Variants in PIWIL2 observed in about 807,000 individuals in gnomAD.
The protein encoded by PIWIL2 is piwi like RNA-mediated gene silencing 2.
Under a neutral mutation model 116.5 loss-of-function variants are expected in PIWIL2, and 81 were observed. The ratio of observed to expected loss-of-function variants is 0.70; its 90% CI spans 0.58 to 0.84. The LOEUF (loss-of-function observed/expected upper bound fraction) is 0.84. Ranked by LOEUF, PIWIL2 falls within the 40% of genes least tolerant of loss-of-function variation. The pLI, the probability that PIWIL2 is intolerant of heterozygous loss-of-function variation, is 0.00. For missense variants in PIWIL2, 1,272 were observed against 1,212.3 expected, an observed-to-expected ratio of 1.05 and a Z score of -0.73; for synonymous variants, 489 against 429.5, an observed-to-expected ratio of 1.14 and a Z score of -1.71.
At chr8:22,275,497 C>T (rs1327274198) in intron 1 of PIWIL2, 99 bp downstream of exon 1, 10 of 152,332 alleles carry the variant, frequency 6.6e-5, no homozygotes, top group Admixed American at 5.9e-4. Flanking sequence ...GAGCCGCCCT[C>T]CCGGGCCTCT....
At chr8:22,295,141 A>G (rs1830867643) in intron 10 of PIWIL2, among the ~76,000 whole-genome samples, 1 of 151,772 alleles carries the variant, frequency 6.6e-6, no homozygotes, top group Non-Finnish European at 1.5e-5. Flanking sequence ...TGTTAAAAAA[A>G]TTCATTCCTT....
chr8:22,351,343 C>T (rs1303531926), intron 20 of PIWIL2, among the ~76,000 whole-genome samples: 1 of 145,874 alleles, frequency 6.9e-6, no homozygotes, highest in African/African-American at 2.5e-5. Context: ...AATTGAAACT[C>T]AACTTTTTAA....
At chr8:22,353,763 A>ATTTTTTTTTT (rs1563438535) in intron 21 of PIWIL2, among the ~76,000 whole-genome samples, 9 of 61,564 alleles carry the variant, frequency 1.5e-4, no homozygotes, top group Non-Finnish European at 2.0e-4. Context: ...AGTTTCTACC[A>ATTTTTTTTTT]CTTTTTTTTT....
chr8:22,328,645 C>CT (rs1831784663), intron 20 of PIWIL2, among the ~76,000 whole-genome samples: 1 of 151,692 alleles, frequency 6.6e-6, no homozygotes, highest in Non-Finnish European at 1.5e-5. Flanking sequence ...AAGTCTTTAC[C>CT]TGTTTGGTTG....
chr8:22,297,553 A>T (rs1830937320), intron 10 of PIWIL2, among the ~76,000 whole-genome samples: 2 of 152,148 alleles, frequency 1.3e-5, no homozygotes, highest in African/African-American at 4.8e-5. Flanking sequence ...GTTAAAAAAA[A>T]ATTCATGGCA....
rs1315286251 is a variant in PIWIL2, at chr8:22,286,435, G to A, written c.744-1093G>A. On this transcript the variant is annotated intron_variant, in intron 6 of 22. Coordinates refer to ENST00000356766, the MANE Select transcript of PIWIL2 (RefSeq NM_018068.5). ...AGAGGGAAGTAGCCAGAAAAGTGGG[G>A]GAAATTGGATCCCAGGAAACAGGCT... Among the ~76,000 whole-genome samples, 4 of 152,248 alleles carry A rather than the reference G, an allele frequency of 2.6e-5. No individual in the cohort carries two copies. In the East Asian group the frequency reaches 7.7e-4, roughly 29 times the overall value.
chr8:22,323,873 A>G (rs2132068213), intron 20 of PIWIL2, among the ~76,000 whole-genome samples: 1 of 152,302 alleles, frequency 6.6e-6, no homozygotes, highest in South Asian at 2.1e-4. Flanking sequence ...GAGTCCTCTC[A>G]GTAACATGGC....
At chr8:22,285,654 TC>T (rs1261476452) in intron 6 of PIWIL2, among the ~76,000 whole-genome samples, 1 of 152,120 alleles carries the variant, frequency 6.6e-6, no homozygotes, top group Admixed American at 6.6e-5. Context: ...CTTTTTTTTT[TC>T]TTTTGAGACA....
chr8:22,310,742 C>T (rs1391595832), intron 15 of PIWIL2, among the ~76,000 whole-genome samples: 1 of 152,074 alleles, frequency 6.6e-6, no homozygotes, highest in Non-Finnish European at 1.5e-5. Flanking sequence ...CTCACACACC[C>T]AGTATAGCCA....
At chr8:22,329,900 GA>G (rs1019530635) in intron 20 of PIWIL2, among the ~76,000 whole-genome samples, 2 of 152,190 alleles carry the variant, frequency 1.3e-5, no homozygotes, top group African/African-American at 4.8e-5. Context: ...AGACCCAGGG[GA>G]TAGCTGATGT....
At chr8:22,328,593 T>C (rs144208986) in intron 20 of PIWIL2, among the ~76,000 whole-genome samples, 244 of 152,254 alleles carry the variant, frequency 1.6e-3, no homozygotes, top group African/African-American at 5.4e-3. Flanking sequence ...TATTTAGATC[T>C]TTTTAAATTT....
chr8:22,344,515 T>C (rs1282992866), intron 20 of PIWIL2, among the ~76,000 whole-genome samples: 3 of 152,126 alleles, frequency 2.0e-5, no homozygotes, highest in African/African-American at 2.4e-5. Context: ...AATAGTCTCT[T>C]AATTTAAAAA....
intron 16 of PIWIL2, among the ~76,000 whole-genome samples, chr8:22,312,265 CAAA>C (rs56133501): frequency 2.1e-4 from 27 of 130,088 alleles, no homozygotes; most frequent in Admixed American, 4.5e-4. Flanking sequence ...ACCTTTTCTC[CAAA>C]AAAAAAAAAA....
At chr8:22,293,041 AT>A (rs1830800199) in intron 10 of PIWIL2, among the ~76,000 whole-genome samples, 3 of 152,254 alleles carry the variant, frequency 2.0e-5, no homozygotes, top group African/African-American at 7.2e-5. Flanking sequence ...AAATAAAAGT[AT>A]ATGTCTTCAA....
intron 20 of PIWIL2, among the ~76,000 whole-genome samples, chr8:22,338,583 TAGGG>T (rs1832033919): frequency 6.6e-6 from 1 of 151,792 alleles, no homozygotes; most frequent in African/African-American, 2.4e-5. Context: ...TCCCAGCTAA[TAGGG>T]AGGCTGAGAC....
chr8:22,336,524 G>T (rs1022392265), intron 20 of PIWIL2, among the ~76,000 whole-genome samples: 1 of 152,032 alleles, frequency 6.6e-6, no homozygotes, highest in Non-Finnish European at 1.5e-5. Flanking sequence ...TTTAAAATAA[G>T]AAGAATCTAA....
At chr8:22,327,785 C>G (rs1831761860) in intron 20 of PIWIL2, among the ~76,000 whole-genome samples, 1 of 152,110 alleles carries the variant, frequency 6.6e-6, no homozygotes, top group South Asian at 2.1e-4. Context: ...AATCCTTTGC[C>G]CATTTAAATT....
At chr8:22,293,961 C>A (rs1266594270) in intron 10 of PIWIL2, among the ~76,000 whole-genome samples, 1 of 152,182 alleles carries the variant, frequency 6.6e-6, no homozygotes, top group Non-Finnish European at 1.5e-5. Flanking sequence ...AGTTGTTTAG[C>A]ATTTTGATGG....
chr8:22,316,231 GTT>G lies in PIWIL2; in HGVS notation c.2209-11_2209-10del, dbSNP rs542060895. 2,037 of 1,588,454 alleles carry G rather than the reference GTT, an allele frequency of 1.3e-3. 2 individuals are homozygous for G. Among genetic ancestry groups the G allele is most frequent in the Admixed American group, 2.4e-3 (146 of 59,810 alleles). On this transcript the variant is annotated splice_polypyrimidine_tract_variant and intron_variant, in intron 18 of 22. Transcript: ENST00000356766. Reference sequence around the variant, plus strand: ...GGTCTGGGGTTTGGTTTTTGTTTTTGTTTTCTAAACTAGAAACAGTTAATGGT... The same window carrying G: ...GGTCTGGGGTTTGGTTTTTGTTTTTGTTCTAAACTAGAAACAGTTAATGGT...
Sources: gnomAD v4.1 joint callset for allele counts (sites outside exome capture counted in the v4.1 genomes callset) on GRCh38, gnomAD v4.1.1 for gene constraint, MANE v1.5 for transcripts, NCBI Gene and HGNC (gene_info 2026-07-23, HGNC 2026-07-21) for gene names.